The following PRR36 variants were observed in gnomAD, a reference collection of about 807,000 sequenced individuals.
PRR36 encodes the protein proline-rich protein 36.
In PRR36, 30 loss-of-function variants were observed where a neutral mutation model predicts 58.6. The ratio of observed to expected loss-of-function variants is 0.51; its 90% CI spans 0.38 to 0.69. The LOEUF (loss-of-function observed/expected upper bound fraction) is 0.69. Ranked by LOEUF, PRR36 falls within the 30% of genes least tolerant of loss-of-function variation. The probability of loss-of-function intolerance (pLI) is 0.00; values close to 1 mark genes in which losing one functional copy is unlikely to be tolerated. For synonymous variants in PRR36, 771 were observed against 829.3 expected, an observed-to-expected ratio of 0.93 and a Z score of 1.21; for missense variants, 1,692 against 1,805.6, an observed-to-expected ratio of 0.94 and a Z score of 1.14.
chr19:7,869,406 C>A lies in PRR36; in HGVS notation c.3668G>T (p.Gly1223Val). ...LDPGPSPGTS[G>V]GKAAAGAGAG... The stretch of plus-strand genomic sequence containing the variant: ...CCCGGCCCCAGCCGCCGCCTTCCCA[C>A]CGCTCGTGCCGGGACTGGGCCCCGG... The change falls in exon 6 of 6, where the codon GGT becomes GTT. Residue 1223 changes from glycine to valine, a missense_variant. Gly to Val is a moderately radical substitution (Grantham distance 109). This residue lies in a region of PRR36 where 485 missense variants were observed against 549.2 expected (regional missense o/e 0.88). Coordinates refer to ENST00000618550, the MANE Select transcript of PRR36 (RefSeq NM_001190467.2). The A allele has an allele frequency of 1.3e-6, 2 of 1,482,146 alleles. No homozygotes were observed. Among genetic ancestry groups the A allele is most frequent in the South Asian group, 2.5e-5 (2 of 78,562 alleles). The allele number at this position is 1,482,146 out of a possible 1,614,324, so 91.8% of individuals were successfully genotyped here. A position where few individuals can be genotyped will look rare whatever the true frequency, so the allele number is the denominator to read the frequency against.
rs2145064873 is a variant in PRR36, at chr19:7,869,723, C to G, written c.3521G>C (p.Gly1174Ala). 2 of 1,343,366 alleles carry G rather than the reference C, an allele frequency of 1.5e-6. No homozygotes were observed. The highest frequency in any genetic ancestry group is 1.9e-6 in the Non-Finnish European group (2 of 1,051,426). The allele number at this position is 1,343,366 out of a possible 1,614,324, so 83.2% of individuals were successfully genotyped here. The change falls in exon 5 of 6, where the codon GGA becomes GCA. Residue 1174 changes from glycine to alanine, a missense_variant. Gly to Ala is a moderately conservative substitution (Grantham distance 60, BLOSUM62 0). Coordinates refer to ENST00000618550, the MANE Select transcript of PRR36 (RefSeq NM_001190467.2). ...TCTGGGGTGCCCCTTACCTGGGGCT[C>G]CGCGGAAAGCCAGCGGCGGAGCGGG... ...RGPAPPLAFR[G>A]APGAPLPWPP...
At position 7,872,014 on chromosome 19, in the gene PRR36, G is replaced by A. The variant is rs757576741; in HGVS notation, c.1230C>T (p.Gly410=). The A allele has an allele frequency of 4.6e-6, 7 of 1,535,656 alleles. No individual in the cohort carries two copies. In the East Asian group the frequency reaches 9.8e-5, roughly 21 times the overall value. ...AAGCGGCTGTGGCCAGGGAAGAGAC[G>A]CCTGCTTCTGGAAAGGACATAATCA... ...TQLIMSFPEA[G]VSSLATAAFV... Residue 410 remains glycine (G), a synonymous_variant, in exon 5 of 6, where the codon GGC becomes GGT. Transcript: ENST00000618550. This position sits in a 1 kb window ranked among gnomAD's most constrained non-coding sequence, Gnocchi z 6.1.
chr19:7,870,956 AGAGAAG>A lies in PRR36; in HGVS notation c.2282_2287del (p.Pro761_Ser762del). The A allele has an allele frequency of 9.3e-6, 10 of 1,073,770 alleles. No individual in the cohort carries two copies. Among genetic ancestry groups the A allele is most frequent in the East Asian group, 1.0e-4 (2 of 19,178 alleles). 66.5% of individuals were successfully genotyped at this position (1,073,770 alleles called of 1,614,324 possible). On this transcript the variant is annotated inframe_deletion, in exon 5 of 6. Transcript: ENST00000618550. ...AGCTGTCTGCAGAGGAGGCGGGGCT[AGAGAAG>A]GTAGGTTCTCCAGAGGGGGTGTGGT...
chr19:7,870,909 G>A lies in PRR36; in HGVS notation c.2335C>T (p.His779Tyr). The A allele has an allele frequency of 6.9e-7, 1 of 1,446,830 alleles. No homozygotes were observed. The highest frequency in any genetic ancestry group is 9.0e-7 in the Non-Finnish European group (1 of 1,106,188). The allele number at this position is 1,446,830 out of a possible 1,614,324, so 89.6% of individuals were successfully genotyped here. ...GCTGGACAAGGTGGAGTCTCCAGATGGGGTGTGGTCAGGGGAGCAGAAGCT... is the reference window on the plus strand; with the variant it reads ...GCTGGACAAGGTGGAGTCTCCAGATAGGGTGTGGTCAGGGGAGCAGAAGCT... ...QTASAPLTTPHLETPPCPAPC... is the reference protein window; with the variant it reads ...QTASAPLTTPYLETPPCPAPC... Residue 779 changes from histidine to tyrosine, a missense_variant, in exon 5 of 6, where the codon CAT becomes TAT. His to Tyr is a moderately conservative substitution (Grantham distance 83). This residue lies in a region of PRR36 where 38 missense variants were observed against 100.7 expected (regional missense o/e 0.38). Coordinates refer to ENST00000618550, the MANE Select transcript of PRR36 (RefSeq NM_001190467.2).
rs944434490 is a variant in PRR36 at position 7,872,827 on chromosome 19, C to G, written c.487+22G>C. On this transcript the variant is annotated intron_variant, in intron 4 of 5. Transcript: ENST00000618550. This position sits in a 1 kb window ranked among gnomAD's most constrained non-coding sequence, Gnocchi z 6.1. Reference sequence around the variant, plus strand: ...GGCTCCCCTTGCTGCCCAGGAACCCCACTCTTCTCCAGGTCACGTACCTCT... The same window carrying G: ...GGCTCCCCTTGCTGCCCAGGAACCCGACTCTTCTCCAGGTCACGTACCTCT... 6.5e-7 allele frequency: 1 copy of G among 1,533,660 alleles called. No individual in the cohort carries two copies. The highest frequency in any genetic ancestry group is 1.4e-5 in the African/African-American group (1 of 72,990).
rs1366944196 is a variant in PRR36 at position 7,874,216 on chromosome 19, C to G, written c.-8+70G>C. On this transcript the variant is annotated intron_variant, in intron 1 of 5. Transcript: ENST00000618550. The surrounding 1 kb of genome is among the most constrained non-coding windows in gnomAD (Gnocchi z 6.0). ...CTCCGGGAGACAAAGAGCCGCGTCC[C>G]GGGCCCGACCCCTCCCCCAGCCGGG... The G allele has an allele frequency of 6.5e-6, 1 of 152,672 alleles. No individual in the cohort carries two copies. Among genetic ancestry groups the G allele is most frequent in the Non-Finnish European group, 1.5e-5 (1 of 68,386 alleles). The allele number at this position is 152,672 out of a possible 1,614,324, so 9.5% of individuals were successfully genotyped here. A position where few individuals can be genotyped will look rare whatever the true frequency, so the allele number is the denominator to read the frequency against.
At position 7,870,719 on chromosome 19, in the gene PRR36, T is replaced by C; in HGVS notation, c.2525A>G (p.Gln842Arg). 2 of 1,019,444 alleles carry C rather than the reference T, an allele frequency of 2.0e-6. No homozygotes were observed. The highest frequency in any genetic ancestry group is 2.3e-6 in the Non-Finnish European group (2 of 863,720). 63.1% of individuals were successfully genotyped at this position (1,019,444 alleles called of 1,614,324 possible). A position where few individuals can be genotyped will look rare whatever the true frequency, so the allele number is the denominator to read the frequency against. The change falls in exon 5 of 6, where the codon CAG becomes CGG. Residue 842 changes from glutamine to arginine, a missense_variant. This residue lies in a region of PRR36 where 171 missense variants were observed against 146.2 expected (regional missense o/e 1.17). Transcript: ENST00000618550. ...PLSPLATPPP[Q>R]APPALALPPL... The stretch of plus-strand genomic sequence containing the variant: ...AGGCAAGGCCAGGGCAGGTGGGGCC[T>C]GTGGAGGGGGCGTGGCCAAAGGAGA...
chr19:7,873,410 CT>C lies in PRR36; in HGVS notation c.271+8del. On this transcript the variant is annotated splice_region_variant and intron_variant, in intron 2 of 5. Coordinates refer to ENST00000618550, the MANE Select transcript of PRR36 (RefSeq NM_001190467.2). This position sits in a 1 kb window ranked among gnomAD's most constrained non-coding sequence, Gnocchi z 5.0. ...ATGGGGGCGGAGCTGAGGAAGGAGG[CT>C]GGGGTACCAGGGTTTCGGGAACTTG... 1 of 1,524,344 alleles carries C rather than the reference CT, an allele frequency of 6.6e-7. No homozygotes were observed. The highest frequency in any genetic ancestry group is 8.8e-7 in the Non-Finnish European group (1 of 1,139,076). The allele number at this position is 1,524,344 out of a possible 1,614,324, so 94.4% of individuals were successfully genotyped here. A position where few individuals can be genotyped will look rare whatever the true frequency, so the allele number is the denominator to read the frequency against.
In PRR36 at chr19:7,870,316, AG is replaced by A; in HGVS notation, c.2927del (p.Pro976LeufsTer119). Reference protein sequence around the residue: ...SPPMSPSATPPPRVPPLLAAP... With the variant: ...SPPMSPSATPXPRVPPLLAAP... ...CGGCAAGAAGGGGTGGGACCCGTGG[AG>A]GGGGCGTGGCCGAAGGAGACATTGG... is the stretch of plus-strand genomic sequence containing the variant. On this transcript the variant is annotated frameshift_variant, in exon 5 of 6. Transcript: ENST00000618550. LOFTEE classifies it high-confidence loss of function. 1 of 925,954 alleles carries A rather than the reference AG, an allele frequency of 1.1e-6. No individual in the cohort carries two copies. Among genetic ancestry groups the A allele is most frequent in the Non-Finnish European group, 1.3e-6 (1 of 784,352 alleles). 57.4% of individuals were successfully genotyped at this position (925,954 alleles called of 1,614,324 possible).
Position 7,871,055 on chromosome 19 carries a change from G to A in PRR36, c.2189C>T (p.Thr730Ile), listed in dbSNP as rs1599589207. The change falls in exon 5 of 6, where the codon ACC becomes ATC. Residue 730 changes from threonine to isoleucine, a missense_variant. This residue lies in a region of PRR36 where 38 missense variants were observed against 100.7 expected (regional missense o/e 0.38). Transcript: ENST00000618550. The stretch of plus-strand genomic sequence containing the variant: ...AGGTAGGTTCTCCAGAGGGGGTGTG[G>A]TCAGGGAAGCAGGAGGTGTCTGCAG... ...PSLQTPPASL[T>I]TPPLENLPSL... 1.3e-6 allele frequency: 2 copies of A among 1,507,298 alleles called. No individual in the cohort carries two copies. Among genetic ancestry groups the A allele is most frequent in the African/African-American group, 1.4e-5 (1 of 71,912 alleles). 93.4% of individuals were successfully genotyped at this position (1,507,298 alleles called of 1,614,324 possible). A position where few individuals can be genotyped will look rare whatever the true frequency, so the allele number is the denominator to read the frequency against.
rs1267118808 is a variant in PRR36, at chr19:7,872,996, CTTTG to C, written c.375-39_375-36del. The C allele has an allele frequency of 3.3e-6, 5 of 1,493,228 alleles. No individual in the cohort carries two copies. The highest frequency in any genetic ancestry group is 1.4e-5 in the African/African-American group (1 of 71,704). The allele number at this position is 1,493,228 out of a possible 1,614,324, so 92.5% of individuals were successfully genotyped here. On this transcript the variant is annotated intron_variant, in intron 3 of 5. Transcript: ENST00000618550. This position sits in a 1 kb window ranked among gnomAD's most constrained non-coding sequence, Gnocchi z 6.1. ...GAAGGGGCCACGCTCAGGCCTAGGT[CTTTG>C]TTTGGCTTCCCAAGTCTCTATTTTC...
At position 7,872,297 on chromosome 19, in the gene PRR36, G is replaced by A. The variant is rs983312163; in HGVS notation, c.947C>T (p.Pro316Leu). 5 of 1,457,090 alleles carry A rather than the reference G, an allele frequency of 3.4e-6. No individual in the cohort carries two copies. Among genetic ancestry groups the A allele is most frequent in the Middle Eastern group, 1.8e-4 (1 of 5,602 alleles). The allele number at this position is 1,457,090 out of a possible 1,614,324, so 90.3% of individuals were successfully genotyped here. The change falls in exon 5 of 6, where the codon CCC (proline) becomes CTC (leucine). Residue 316 changes from proline (P) to leucine (L), a missense_variant. Transcript: ENST00000618550. This position sits in a 1 kb window ranked among gnomAD's most constrained non-coding sequence, Gnocchi z 6.1. ...TPSPSGTKARPVPPPDNAATP... is the reference protein window; with the variant it reads ...TPSPSGTKARLVPPPDNAATP... ...GGCTGCATTGTCGGGAGGCGGTACG[G>A]GTCTTGCCTTGGTACCCGATGGAGA...
Position 7,871,768 on chromosome 19 carries a change from C to T in PRR36, c.1476G>A (p.Leu492=), listed in dbSNP as rs779706806. The T allele has an allele frequency of 6.5e-7, 1 of 1,535,064 alleles. No individual in the cohort carries two copies. The highest frequency in any genetic ancestry group is 1.2e-5 in the South Asian group (1 of 84,010). ...GACTGGCCTGCGGAGGGGGCGTGGT[C>T]AGAGCAGAAAGGCCTGGCTGAGGGA... ...AALPQPGLSA[L]TTPPPQASPS... is the part of the protein sequence containing the mutation. Residue 492 remains leucine, a synonymous_variant, in exon 5 of 6, where the codon CTG becomes CTA. Transcript: ENST00000618550.
At position 7,873,154 on chromosome 19, in the gene PRR36, G is replaced by A. The variant is rs749247754; in HGVS notation, c.374+43C>T. ...AATAAAAGGTTCCAGACTCTGTGAC[G>A]CTAACCCTGGCTTAGGAGACTGGGG... is the stretch of plus-strand genomic sequence containing the variant. On this transcript the variant is annotated intron_variant, in intron 3 of 5. Transcript: ENST00000618550. This position sits in a 1 kb window ranked among gnomAD's most constrained non-coding sequence, Gnocchi z 5.0. 84 of 1,513,294 alleles carry A rather than the reference G, an allele frequency of 5.6e-5. No individual in the cohort carries two copies. In the East Asian group the frequency reaches 1.2e-3, roughly 21 times the overall value. 93.7% of individuals were successfully genotyped at this position (1,513,294 alleles called of 1,614,324 possible). A position where few individuals can be genotyped will look rare whatever the true frequency, so the allele number is the denominator to read the frequency against.
rs1193119989 is a variant in PRR36, at chr19:7,871,341, G to A, written c.1903C>T (p.Gln635Ter). 2 of 1,530,952 alleles carry A rather than the reference G, an allele frequency of 1.3e-6. No homozygotes were observed. The highest frequency in any genetic ancestry group is 1.7e-6 in the Non-Finnish European group (2 of 1,143,600). 94.8% of individuals were successfully genotyped at this position (1,530,952 alleles called of 1,614,324 possible). Residue 635 changes from glutamine to a stop codon, truncating the protein, a stop_gained, in exon 5 of 6, where the codon CAA (glutamine) becomes TAA (stop). Coordinates refer to ENST00000618550, the MANE Select transcript of PRR36 (RefSeq NM_001190467.2). LOFTEE classifies it high-confidence loss of function. ...GGTGAGATCAAAGAAGCTTGGGTTT[G>A]CCTAGGGGACATTGTCAGGAAAGAA... ...THSFLTMSPR[Q>*]TQASLISPSR...
chr19:7,870,315 G>C lies in PRR36; in HGVS notation c.2929C>G (p.Pro977Ala). ...GCGGCAAGAAGGGGTGGGACCCGTG[G>C]AGGGGGCGTGGCCGAAGGAGACATT... ...PPMSPSATPP[P>A]RVPPLLAAPP... The change falls in exon 5 of 6, where the codon CCA becomes GCA. Residue 977 changes from proline (P) to alanine (A), a missense_variant. Transcript: ENST00000618550. 1 of 1,193,836 alleles carries C rather than the reference G, an allele frequency of 8.4e-7. No homozygotes were observed. The highest frequency in any genetic ancestry group is 1.0e-6 in the Non-Finnish European group (1 of 960,236). 74.0% of individuals were successfully genotyped at this position (1,193,836 alleles called of 1,614,324 possible).
In PRR36 at chr19:7,869,912, G is replaced by A; in HGVS notation, c.3332C>T (p.Ser1111Phe). ...CAGGTCTGGGCCGCTCAGCGTGCTG[G>A]ACGGGCTGCGCGAGGGCGGCGGCGG... is the stretch of plus-strand genomic sequence containing the variant. ...GPPPPPSRSP[S>F]STLSGPDLAG... Residue 1111 changes from serine (S) to phenylalanine (F), a missense_variant, in exon 5 of 6, where the codon TCC becomes TTC. By Grantham distance (155) the Ser-to-Phe change is radical. Transcript: ENST00000618550. 2 of 1,365,102 alleles carry A rather than the reference G, an allele frequency of 1.5e-6. No individual in the cohort carries two copies. The highest frequency in any genetic ancestry group is 1.9e-6 in the Non-Finnish European group (2 of 1,066,340). 84.6% of individuals were successfully genotyped at this position (1,365,102 alleles called of 1,614,324 possible). A position where few individuals can be genotyped will look rare whatever the true frequency, so the allele number is the denominator to read the frequency against.
At position 7,869,524 on chromosome 19, in the gene PRR36, G is replaced by A. The variant is rs1396299845; in HGVS notation, c.3550C>T (p.Pro1184Ser). 2 of 1,519,000 alleles carry A rather than the reference G, an allele frequency of 1.3e-6. No homozygotes were observed. The highest frequency in any genetic ancestry group is 1.8e-6 in the Non-Finnish European group (2 of 1,139,574). The allele number at this position is 1,519,000 out of a possible 1,614,324, so 94.1% of individuals were successfully genotyped here. A position where few individuals can be genotyped will look rare whatever the true frequency, so the allele number is the denominator to read the frequency against. Residue 1184 changes from proline to serine, a missense_variant, in exon 6 of 6, where the codon CCC becomes TCC. Transcript: ENST00000618550. ...TCAGCAGAGCCCGGTCCGGTAGCGG[G>A]AGGCCACGGCAGGGGCGCACCTGCG... ...GAPGAPLPWP[P>S]ATGPGSADGL... is the part of the protein sequence containing the mutation.
At chr19:7,869,617 T>C in intron 5 of PRR36, 73 bp from the exon 6 acceptor site, 1 of 1,473,968 alleles carries the variant, frequency 6.8e-7, no homozygotes, top group East Asian at 2.8e-5. Context: ...CGCCTCCTTG[T>C]CTAAGCTCCG....
Sources: allele counts gnomAD v4.1 joint callset, GRCh38; gene constraint gnomAD v4.1.1; regional missense constraint gnomAD v4.1.1; non-coding constraint Gnocchi (gnomAD v3.1); transcripts MANE v1.5; gene names NCBI Gene and HGNC (gene_info 2026-07-23, HGNC 2026-07-21).